The following MMS22L variants were observed in gnomAD, a reference collection of about 807,000 sequenced individuals.
The protein encoded by MMS22L is MMS22 like, DNA repair protein, also known as protein MMS22-like.
A neutral mutation model predicts 159.1 loss-of-function variants in MMS22L; 74 were observed. The ratio of observed to expected loss-of-function variants is 0.47; its 90% CI spans 0.39 to 0.56. The LOEUF is 0.56. MMS22L is among the 20% of genes least tolerant of loss of function. MMS22L has a pLI of 0.00. For synonymous variants in MMS22L, 517 were observed against 506.9 expected (o/e 1.02, Z -0.27); for missense variants, 1,351 against 1,422.1 (o/e 0.95, Z 0.80).
intron 14 of MMS22L, among the ~76,000 whole-genome samples, chr6:97,198,372 T>C (rs1010061871): frequency 2.6e-5 from 4 of 152,178 alleles, no homozygotes; most frequent in South Asian, 4.1e-4. Context: ...CTTCCAGACA[T>C]TGAATCATCC....
rs1161270527 is a variant in MMS22L, at chr6:97,145,837, C to T, written c.*969G>A. The T allele has an allele frequency of 6.6e-6, 1 of 152,072 alleles. No individual in the cohort carries two copies. The highest frequency in any genetic ancestry group is 1.5e-5 in the Non-Finnish European group (1 of 67,982). The allele number at this position is 152,072 out of a possible 1,614,324, so 9.4% of individuals were successfully genotyped here. A position where few individuals can be genotyped will look rare whatever the true frequency, so the allele number is the denominator to read the frequency against. On this transcript the variant is annotated 3_prime_UTR_variant, in exon 25 of 25. Transcript: ENST00000683635. ...CTGGAGCTCTTTCAACCAAATAATG[C>T]TCAATAGGAAAAGGAGTCAAGGACA...
Position 97,231,628 on chromosome 6 carries a change from G to A in MMS22L, c.1327C>T (p.Leu443Phe). The change falls in exon 13 of 25, where the codon CTT becomes TTT. Residue 443 changes from leucine to phenylalanine, a missense_variant. Coordinates refer to ENST00000683635, the MANE Select transcript of MMS22L (RefSeq NM_001350599.2). ...NLNSSFSISW[L>F]PFKGLANTMK... ...GTATTAGCAAGGCCTTTAAAAGGAAGCCAAGAAATACTGAAGGAACTATTC... is the reference window on the plus strand; with the variant it reads ...GTATTAGCAAGGCCTTTAAAAGGAAACCAAGAAATACTGAAGGAACTATTC... 6.2e-7 allele frequency: 1 copy of A among 1,611,502 alleles called. No individual in the cohort carries two copies. The highest frequency in any genetic ancestry group is 1.7e-5 in the Admixed American group (1 of 59,756).
chr6:97,197,368 G>C (rs748361018), intron 14 of MMS22L, among the ~76,000 whole-genome samples: 1 of 152,122 alleles, frequency 6.6e-6, no homozygotes, highest in African/African-American at 2.4e-5. Context: ...AAGTAAAAGA[G>C]GGGGAGATTA....
intron 8 of MMS22L, chr6:97,266,498 G>A (rs1383279763): frequency 1.3e-5 from 2 of 152,162 alleles, no homozygotes; most frequent in Non-Finnish European, 2.9e-5. Flanking sequence ...TTAACAGCAG[G>A]ACATGTTCTG....
Position 97,173,056 on chromosome 6 carries a change from T to A in MMS22L, c.2839+7A>T, listed in dbSNP as rs1276287584. On this transcript the variant is annotated splice_region_variant and intron_variant, in intron 19 of 24. Transcript: ENST00000683635. ...GTTACTAGCAAAATAATGCCAGGAA[T>A]ACATACCCATCATTCCATAAGTCAG... is the stretch of plus-strand genomic sequence containing the variant. 2 of 1,607,772 alleles carry A rather than the reference T, an allele frequency of 1.2e-6. No individual in the cohort carries two copies. The highest frequency in any genetic ancestry group is 1.7e-6 in the Non-Finnish European group (2 of 1,178,200).
chr6:97,188,691 G>C (rs1057337502), intron 14 of MMS22L, among the ~76,000 whole-genome samples: 1 of 152,086 alleles, frequency 6.6e-6, no homozygotes, highest in Non-Finnish European at 1.5e-5. Flanking sequence ...TTCTACTTAG[G>C]TTAAAGAAAT....
intron 18 of MMS22L, among the ~76,000 whole-genome samples, chr6:97,178,195 C>G (rs747536714): frequency 6.6e-6 from 1 of 152,048 alleles, no homozygotes; most frequent in Non-Finnish European, 1.5e-5. Flanking sequence ...TAGAGTAAAG[C>G]TTTTTTGTGG....
At position 97,273,689 on chromosome 6, in the gene MMS22L, G is replaced by A. The variant is rs1815979889; in HGVS notation, c.341-627C>T. On this transcript the variant is annotated intron_variant, in intron 4 of 24. Transcript: ENST00000683635. ...AGCCTTTCATAAAATGGTGCCACCA[G>A]TAGCCTATATGGTTCTTGATTCTTG... Among the ~76,000 whole-genome samples, 3 of 152,290 alleles carry A rather than the reference G, an allele frequency of 2.0e-5. No individual in the cohort carries two copies. In the South Asian group the frequency reaches 6.2e-4, roughly 32 times the overall value.
chr6:97,241,635 T>C (rs890296180), intron 11 of MMS22L, among the ~76,000 whole-genome samples: 3 of 152,150 alleles, frequency 2.0e-5, no homozygotes, highest in African/African-American at 7.2e-5. Flanking sequence ...TTAGCCCACT[T>C]ATGGATGGGA....
intron 11 of MMS22L, among the ~76,000 whole-genome samples, chr6:97,243,163 A>ATT (rs1338208133): frequency 2.6e-5 from 4 of 152,182 alleles, no homozygotes; most frequent in Non-Finnish European, 5.9e-5. Context: ...ATTCCCTCAC[A>ATT]TAAGTTTTCC....
chr6:97,195,597 C>G (rs1408183795), intron 14 of MMS22L, among the ~76,000 whole-genome samples: 1 of 152,152 alleles, frequency 6.6e-6, no homozygotes, highest in Non-Finnish European at 1.5e-5. Flanking sequence ...GAAGAAGTTA[C>G]TCAGTGCTAG....
rs1206177 is a variant in MMS22L, at chr6:97,142,747, C to A, written c.*4059G>T. The stretch of plus-strand genomic sequence containing the variant: ...GCTTGTCAAATTTTTATATAACATA[C>A]AATTTTTAACTGTCAAAGATTCTGT... On this transcript the variant is annotated 3_prime_UTR_variant, in exon 25 of 25. Transcript: ENST00000683635. The A allele has an allele frequency of 6.6e-6, 1 of 151,958 alleles. No homozygotes were observed. The highest frequency in any genetic ancestry group is 1.9e-4 in the East Asian group (1 of 5,170). The allele number at this position is 151,958 out of a possible 1,614,324, so 9.4% of individuals were successfully genotyped here.
intron 19 of MMS22L, among the ~76,000 whole-genome samples, chr6:97,171,742 A>G (rs979337147): frequency 2.0e-5 from 3 of 152,196 alleles, no homozygotes; most frequent in Non-Finnish European, 4.4e-5. Context: ...TAAATAGAGT[A>G]CAGTGTTTCA....
At chr6:97,275,720 C>A (rs1288315603) in intron 4 of MMS22L, among the ~76,000 whole-genome samples, 3 of 152,138 alleles carry the variant, frequency 2.0e-5, no homozygotes, top group Non-Finnish European at 1.5e-5. Flanking sequence ...AAGAATAGCT[C>A]TTGGCTGAGT....
At chr6:97,161,253 T>C (rs555390772) in intron 22 of MMS22L, among the ~76,000 whole-genome samples, 2 of 152,208 alleles carry the variant, frequency 1.3e-5, no homozygotes, top group African/African-American at 4.8e-5. Flanking sequence ...ACAGTCTCCA[T>C]GTGAAGACAA....
intron 9 of MMS22L, among the ~76,000 whole-genome samples, chr6:97,258,368 C>G (rs1409053894): frequency 6.6e-6 from 1 of 152,110 alleles, no homozygotes; most frequent in Admixed American, 6.5e-5. Flanking sequence ...CTGTAATCAG[C>G]CATTTGTTCA....
chr6:97,200,260 T>G (rs1393411906), intron 14 of MMS22L, among the ~76,000 whole-genome samples: 1 of 152,158 alleles, frequency 6.6e-6, no homozygotes, highest in Non-Finnish European at 1.5e-5. Flanking sequence ...AATTATGGTT[T>G]TCCAGATATG....
intron 14 of MMS22L, among the ~76,000 whole-genome samples, chr6:97,209,296 T>C (rs1187982209): frequency 6.6e-6 from 1 of 152,086 alleles, no homozygotes; most frequent in African/African-American, 2.4e-5. Context: ...AAAAGCATTT[T>C]GCACTAATAG....
chr6:97,179,439 C>T lies in MMS22L; in HGVS notation c.2505G>A (p.Leu835=). 1 of 1,612,406 alleles carries T rather than the reference C, an allele frequency of 6.2e-7. No homozygotes were observed. The highest frequency in any genetic ancestry group is 1.1e-5 in the South Asian group (1 of 90,644). ...YIKNLSGPDD[L]LIDKNLEEAV... ...CCTCTTCCAGATTTTTATCTATGAG[C>T]AAATCATCAGGCCCAGAGAGGTTTT... Residue 835 remains leucine, a synonymous_variant, in exon 17 of 25, where the codon TTG becomes TTA. Transcript: ENST00000683635.
Sources: allele counts gnomAD v4.1 joint callset (sites outside exome capture counted in the v4.1 genomes callset), GRCh38; gene constraint gnomAD v4.1.1; transcripts MANE v1.5; gene names NCBI Gene and HGNC (gene_info 2026-07-23, HGNC 2026-07-21).